Variants in AREL1 observed in about 807,000 individuals in gnomAD.
AREL1 encodes apoptosis-resistant E3 ubiquitin protein ligase 1.
AREL1 carries 62 observed loss-of-function variants against 99.0 expected under a neutral mutation model. The ratio of observed to expected loss-of-function variants is 0.63; its 90% confidence interval spans 0.51 to 0.77. AREL1 has a LOEUF of 0.77. Ranked by LOEUF, AREL1 falls within the 30% of genes least tolerant of loss-of-function variation. AREL1 has a pLI of 0.00. For missense variants in AREL1, 879 were observed against 1,027.6 expected, an observed-to-expected ratio of 0.86 and a Z score of 1.98; for synonymous variants, 380 against 376.5, an observed-to-expected ratio of 1.01 and a Z score of -0.11.
At chr14:74,698,789 T>C in intron 1 of AREL1, 1 of 256,850 alleles carries the variant, frequency 3.9e-6, no homozygotes, top group South Asian at 3.4e-5. Context: ...TTTGGGAGGC[T>C]GAGGTGGGAG....
intron 2 of AREL1, among the ~76,000 whole-genome samples, chr14:74,691,730 A>T (rs2089886184): frequency 6.6e-6 from 1 of 152,214 alleles, no homozygotes; most frequent in African/African-American, 2.4e-5. Context: ...TATCTGTCTC[A>T]AGGGACTGTT....
At chr14:74,705,474 C>T (rs1414239912) in intron 1 of AREL1, among the ~76,000 whole-genome samples, 8 of 152,116 alleles carry the variant, frequency 5.3e-5, no homozygotes, top group Admixed American at 5.2e-4. Context: ...CCACATAAGA[C>T]CTCTGCACCC....
At chr14:74,683,229 G>T (rs376637591) in intron 5 of AREL1, 67 bp downstream of exon 5, 1 of 1,160,110 alleles carries the variant, frequency 8.6e-7, no homozygotes, top group Non-Finnish European at 1.2e-6. Context: ...TTTTAAAAAG[G>T]AAAGACAGGA....
chr14:74,676,078 A>C, intron 7 of AREL1, 63 bp downstream of exon 7: 1 of 1,573,712 alleles, frequency 6.4e-7, no homozygotes, highest in South Asian at 1.2e-5. Flanking sequence ...CAGACAAAAG[A>C]GTGCAAACAG....
intron 1 of AREL1, among the ~76,000 whole-genome samples, chr14:74,709,616 T>C (rs1169815795): frequency 1.3e-5 from 2 of 152,146 alleles, no homozygotes; most frequent in African/African-American, 4.8e-5. Context: ...ACCAATTCAA[T>C]ATCAAGACCT....
intron 5 of AREL1, among the ~76,000 whole-genome samples, chr14:74,682,408 C>T (rs754295042): frequency 3.3e-5 from 5 of 152,152 alleles, no homozygotes; most frequent in Non-Finnish European, 7.4e-5. Context: ...AACATGTCAA[C>T]ACAAAAACTT....
chr14:74,708,020 G>A (rs79591500), intron 1 of AREL1, among the ~76,000 whole-genome samples: 1,889 of 151,622 alleles, frequency 0.012, 31 homozygotes, highest in African/African-American at 0.044. Flanking sequence ...TCTAGATTCA[G>A]TTTGGGTATA....
At chr14:74,712,057 A>AAAAAAAAAAAG (rs2090312690) in intron 1 of AREL1, 10 of 53,964 alleles carry the variant, frequency 1.9e-4, no homozygotes, top group African/African-American at 7.7e-4. Flanking sequence ...AAAAAAAAAA[A>AAAAAAAAAAAG]AAAAAAAAAA....
chr14:74,706,463 A>C (rs1195603912), intron 1 of AREL1, among the ~76,000 whole-genome samples: 1 of 152,196 alleles, frequency 6.6e-6, no homozygotes. Context: ...AGGAAAAACA[A>C]TGTTAATTAA....
At chr14:74,712,379 G>T (rs367967810) in intron 1 of AREL1, among the ~76,000 whole-genome samples, 75 of 152,112 alleles carry the variant, frequency 4.9e-4, no homozygotes, top group African/African-American at 1.7e-3. Context: ...TTAAAGAATT[G>T]TTCCTGGCTT....
chr14:74,664,522 C>T (rs2089167161), intron 18 of AREL1, among the ~76,000 whole-genome samples: 1 of 138,188 alleles, frequency 7.2e-6, no homozygotes, highest in African/African-American at 2.7e-5. Flanking sequence ...GGCGTGATCT[C>T]AGCTCACTCC....
intron 15 of AREL1, among the ~76,000 whole-genome samples, chr14:74,669,343 A>G (rs1429014434): frequency 6.6e-6 from 1 of 152,138 alleles, no homozygotes; most frequent in Non-Finnish European, 1.5e-5. Context: ...AACTGGAAGC[A>G]GGACTCGGTG....
chr14:74,711,235 CAAAA>C (rs142774254), intron 1 of AREL1, among the ~76,000 whole-genome samples: 3 of 79,792 alleles, frequency 3.8e-5, no homozygotes, highest in African/African-American at 4.7e-5. Context: ...AACTCCGTCT[CAAAA>C]AAAAAAAAAA....
chr14:74,688,196 T>C (rs2089791608), intron 2 of AREL1, among the ~76,000 whole-genome samples: 1 of 151,898 alleles, frequency 6.6e-6, no homozygotes, highest in South Asian at 2.1e-4. Flanking sequence ...CAGCTAATTT[T>C]TTGTATTTTT....
rs1595333163 is a variant in AREL1, at chr14:74,663,464, C to T, written c.*256G>A. ...CTTCAAAGGACCAAATAAATGATAG[C>T]AGCATGGTCCTCTTCTCATGACAGA... On this transcript the variant is annotated 3_prime_UTR_variant, in exon 20 of 20. Coordinates refer to ENST00000356357, the MANE Select transcript of AREL1 (RefSeq NM_001039479.2). 1.2e-5 allele frequency: 6 copies of T among 495,804 alleles called. No individual in the cohort carries two copies. The highest frequency in any genetic ancestry group is 6.4e-5 in the South Asian group (3 of 47,004). The allele number at this position is 495,804 out of a possible 1,614,324, so 30.7% of individuals were successfully genotyped here. A position where few individuals can be genotyped will look rare whatever the true frequency, so the allele number is the denominator to read the frequency against.
intron 1 of AREL1, among the ~76,000 whole-genome samples, chr14:74,703,484 A>T (rs1158316427): frequency 6.6e-6 from 1 of 152,224 alleles, no homozygotes; most frequent in African/African-American, 2.4e-5. Flanking sequence ...CCATATCAAA[A>T]GATAATGAGT....
chr14:74,707,139 G>A (rs559915524), intron 1 of AREL1, among the ~76,000 whole-genome samples: 11 of 150,616 alleles, frequency 7.3e-5, no homozygotes, highest in African/African-American at 2.2e-4. Flanking sequence ...AGGCCGAGGC[G>A]GGCAGATCAC....
chr14:74,704,517 T>A (rs1302920198), intron 1 of AREL1, among the ~76,000 whole-genome samples: 2 of 152,114 alleles, frequency 1.3e-5, no homozygotes, highest in Non-Finnish European at 2.9e-5. Context: ...GGCAATCAGA[T>A]ATGCATCTAT....
intron 3 of AREL1, 54 bp downstream of exon 3, chr14:74,685,546 G>A: frequency 1.2e-6 from 2 of 1,605,510 alleles, no homozygotes; most frequent in Admixed American, 1.7e-5. Context: ...AGGCAAAAAG[G>A]ACCCAAGCAA....
Sources: gnomAD v4.1 joint callset for allele counts (sites outside exome capture counted in the v4.1 genomes callset) on GRCh38, gnomAD v4.1.1 for gene constraint, MANE v1.5 for transcripts, NCBI Gene and HGNC (gene_info 2026-07-23, HGNC 2026-07-21) for gene names.